The following PDE10A variants were observed in gnomAD, a reference collection of about 807,000 sequenced individuals.
PDE10A encodes cAMP and cAMP-inhibited cGMP 3',5'-cyclic phosphodiesterase 10A.
A neutral mutation model predicts 97.7 loss-of-function variants in PDE10A; 39 were observed. The ratio of observed to expected loss-of-function variants is 0.40; its 90% CI spans 0.31 to 0.52. The LOEUF is 0.52. Among genes scored for constraint, PDE10A ranks in the 20% least tolerant of loss-of-function variants. The probability of loss-of-function intolerance (pLI) is 0.56; values close to 1 mark genes in which losing one functional copy is unlikely to be tolerated. For synonymous variants in PDE10A, 371 were observed against 376.8 expected (o/e 0.98, Z 0.18); for missense variants, 731 against 1,047.8 (o/e 0.70, Z 4.17).
chr6:165,796,098 T>TC (rs1352042427), intron 1 of PDE10A, among the ~76,000 whole-genome samples: 10 of 142,716 alleles, frequency 7.0e-5, no homozygotes, highest in African/African-American at 2.6e-4. Context: ...TTTCTTTTTT[T>TC]TTTTTTTTTT....
In PDE10A at chr6:165,388,361, G is replaced by A. The variant is rs779315217; in HGVS notation, c.2547C>T (p.Ala849=). ...SYLQKFDHPL[A]ALYSTSTMEQ... is the part of the protein sequence containing the mutation. The stretch of plus-strand genomic sequence containing the variant: ...CCATGGTGGAAGTGGAGTAGAGAGC[G>A]GCCAGAGGGTGGTCGAACTTCTGCA... Residue 849 remains alanine (A), a synonymous_variant, in exon 17 of 22, where the codon GCC becomes GCT. Coordinates refer to ENST00000539869, the MANE Select transcript of PDE10A (RefSeq NM_001385079.1). This position sits in a 1 kb window ranked among gnomAD's most constrained non-coding sequence, Gnocchi z 4.0. 1.8e-5 allele frequency: 29 copies of A among 1,613,986 alleles called. No homozygotes were observed. Among genetic ancestry groups the A allele is most frequent in the African/African-American group, 9.3e-5 (7 of 74,904 alleles).
chr6:165,835,271 C>A (rs960950237), intron 1 of PDE10A, among the ~76,000 whole-genome samples: 1 of 152,242 alleles, frequency 6.6e-6, no homozygotes. Context: ...TTTTTCTTTG[C>A]TCCTGCCTCA....
intron 3 of PDE10A, among the ~76,000 whole-genome samples, chr6:165,479,895 G>C (rs1212843631): frequency 2.0e-5 from 3 of 152,102 alleles, no homozygotes; most frequent in Non-Finnish European, 2.9e-5. Flanking sequence ...AATAATGATA[G>C]TTTACTCAAA....
At chr6:165,821,180 T>C (rs1045819870) in intron 1 of PDE10A, among the ~76,000 whole-genome samples, 5 of 152,164 alleles carry the variant, frequency 3.3e-5, no homozygotes, top group African/African-American at 1.2e-4. Flanking sequence ...GATCAGAGAC[T>C]AAGAAACTAC....
chr6:165,615,211 GA>G (rs67040785), intron 1 of PDE10A, among the ~76,000 whole-genome samples: 19 of 134,542 alleles, frequency 1.4e-4, no homozygotes, highest in East Asian at 6.7e-4. Context: ...CTCCATCTCA[GA>G]AAAAAAAAAA....
intron 1 of PDE10A, among the ~76,000 whole-genome samples, chr6:165,967,151 G>T (rs1158803139): frequency 1.3e-5 from 2 of 152,166 alleles, no homozygotes; most frequent in East Asian, 3.8e-4. Flanking sequence ...CCCAATGCCT[G>T]TGTCAGACCC....
At chr6:165,667,442 G>C (rs1234232794), upstream of PDE10A, among the ~76,000 whole-genome samples, 8 of 152,006 alleles carry the variant, frequency 5.3e-5, no homozygotes, top group Admixed American at 5.2e-4. Context: ...GTAAAAACCA[G>C]TATAGGTTAT....
intron 1 of PDE10A, among the ~76,000 whole-genome samples, chr6:165,888,755 G>A (rs188151147): frequency 5.9e-5 from 9 of 152,332 alleles, no homozygotes; most frequent in Admixed American, 4.6e-4. Flanking sequence ...GAAAAGCATG[G>A]TGAGAGTTAT....
intron 1 of PDE10A, among the ~76,000 whole-genome samples, chr6:165,904,129 G>C (rs995259171): frequency 6.6e-6 from 1 of 152,180 alleles, no homozygotes; most frequent in African/African-American, 2.4e-5. Context: ...TGAAAGATAT[G>C]AGAGAATTTT....
intron 2 of PDE10A, among the ~76,000 whole-genome samples, chr6:165,539,835 G>A (rs1284926495): frequency 1.3e-5 from 2 of 152,116 alleles, no homozygotes; most frequent in African/African-American, 4.8e-5. Flanking sequence ...GCTGAGGCAG[G>A]AGAATCACTT....
rs182357104 is a variant in PDE10A, at chr6:165,365,647, G to C, written c.2783+13547C>G. Among the ~76,000 whole-genome samples, 25 of 152,326 alleles carry C rather than the reference G, an allele frequency of 1.6e-4. No homozygotes were observed. In the East Asian group the frequency reaches 4.6e-3, roughly 28 times the overall value. On this transcript the variant is annotated intron_variant, in intron 18 of 21. Transcript: ENST00000539869. ...AGGTAGGAGGAACCCTTGAGCCTGG[G>C]AGGTCAAGGCTGCAGTGAGCTGTGG... is the stretch of plus-strand genomic sequence containing the variant.
Position 165,433,006 on chromosome 6 carries a change from C to T in PDE10A, c.1459G>A (p.Gly487Ser). Residue 487 changes from glycine to serine, a missense_variant, in exon 7 of 22, where the codon GGC becomes AGC. Gly to Ser is a moderately conservative substitution (Grantham distance 56). This residue lies in a region of PDE10A where 152 missense variants were observed against 199.3 expected (regional missense o/e 0.76). Transcript: ENST00000539869. ...TGACTAAGACAGAAGGCTTCTTTGC[C>T]CCAGTGCCGATACAGCTCGAGAATA... Reference protein sequence around the residue: ...IGILELYRHWGKEAFCLSHQE... With the variant: ...IGILELYRHWSKEAFCLSHQE... 1.9e-6 allele frequency: 3 copies of T among 1,613,826 alleles called. No homozygotes were observed. Among genetic ancestry groups the T allele is most frequent in the Non-Finnish European group, 2.5e-6 (3 of 1,179,902 alleles).
Position 165,451,959 on chromosome 6 carries a change from A to C in PDE10A, c.1024-1597T>G, listed in dbSNP as rs531010235. ...AAGTGGCCAATGCTCAATGAAGTTG[A>C]AACCTCAGAACTTCCCTGGTATATA... On this transcript the variant is annotated intron_variant, in intron 3 of 21. Transcript: ENST00000539869. Among the ~76,000 whole-genome samples the C allele has an allele frequency of 3.3e-4, 50 of 152,352 alleles. 1 individual carries two copies. The highest frequency in any genetic ancestry group is 1.2e-3 in the African/African-American group (49 of 41,580).
intron 1 of PDE10A, among the ~76,000 whole-genome samples, chr6:165,875,409 T>C (rs567998486): frequency 6.6e-6 from 1 of 152,332 alleles, no homozygotes; most frequent in East Asian, 1.9e-4. Flanking sequence ...AGGTGTGCAA[T>C]AGTTTTTATT....
intron 5 of PDE10A, among the ~76,000 whole-genome samples, chr6:165,438,415 C>T (rs924559080): frequency 2.0e-5 from 3 of 152,084 alleles, no homozygotes; most frequent in Non-Finnish European, 4.4e-5. Context: ...CTCGGACTCC[C>T]GACCTCAGGT....
At chr6:165,608,106 A>ATG (rs371184749) in intron 1 of PDE10A, among the ~76,000 whole-genome samples, 2,976 of 144,508 alleles carry the variant, frequency 0.021, 96 homozygotes, top group African/African-American at 0.077. Flanking sequence ...ATATATATAC[A>ATG]TGTATATATA....
chr6:165,663,291 C>T (rs1216083900), upstream of PDE10A, among the ~76,000 whole-genome samples: 3 of 151,988 alleles, frequency 2.0e-5, no homozygotes. Context: ...GCCTTCCGCG[C>T]CCACGTAGCG....
At chr6:165,894,209 C>T (rs1464268735) in intron 1 of PDE10A, 7 of 424,918 alleles carry the variant, frequency 1.6e-5, no homozygotes, top group South Asian at 9.8e-5. Flanking sequence ...GAAGGAGAGC[C>T]GTCTCTGGAG....
intron 1 of PDE10A, among the ~76,000 whole-genome samples, chr6:165,852,565 C>A (rs533899124): frequency 6.6e-6 from 1 of 152,330 alleles, no homozygotes; most frequent in East Asian, 1.9e-4. Context: ...GTCATGAGAA[C>A]AATTTTTAAA....
Sources: allele counts gnomAD v4.1 joint callset (sites outside exome capture counted in the v4.1 genomes callset), GRCh38; gene constraint gnomAD v4.1.1; regional missense constraint gnomAD v4.1.1; non-coding constraint Gnocchi (gnomAD v3.1); transcripts MANE v1.5; gene names NCBI Gene and HGNC (gene_info 2026-07-23, HGNC 2026-07-21).